ATP2B2: variants seen among roughly 807,000 people sequenced by gnomAD.
ATP2B2 encodes the protein plasma membrane calcium-transporting ATPase 2.
A neutral mutation model predicts 120.0 loss-of-function variants in ATP2B2; 15 were observed. The observed-to-expected ratio is 0.12, with a 90% CI of 0.08 to 0.19. The LOEUF (loss-of-function observed/expected upper bound fraction) is 0.19, where lower values mean the gene tolerates loss of function less well. Among genes scored for constraint, ATP2B2 ranks in the 10% least tolerant of loss-of-function variants. The pLI, the probability that ATP2B2 is intolerant of heterozygous loss-of-function variation, is 1.00. For synonymous variants in ATP2B2, 694 were observed against 700.3 expected (o/e 0.99, Z 0.14); for missense variants, 1,045 against 1,719.8 (o/e 0.61, Z 6.94).
At chr3:10,675,295 A>C (rs577440420) in intron 1 of ATP2B2, among the ~76,000 whole-genome samples, 35 of 152,198 alleles carry the variant, frequency 2.3e-4, no homozygotes, top group Non-Finnish European at 4.9e-4. Flanking sequence ...CAGTCATCTC[A>C]GATTAGTTTT....
intron 3 of ATP2B2, among the ~76,000 whole-genome samples, chr3:10,519,484 C>T (rs776724300): frequency 3.9e-5 from 6 of 152,148 alleles, no homozygotes; most frequent in East Asian, 1.9e-4. Context: ...GGTATGCTGA[C>T]GCATGGCAGC....
At chr3:10,578,040 G>A (rs1013015105) in intron 2 of ATP2B2, among the ~76,000 whole-genome samples, 1 of 152,180 alleles carries the variant, frequency 6.6e-6, no homozygotes, top group Non-Finnish European at 1.5e-5. Flanking sequence ...CAGTAACCCT[G>A]TGATCTAGGC....
chr3:10,506,138 G>A (rs2066618489), upstream of ATP2B2, among the ~76,000 whole-genome samples: 1 of 152,118 alleles, frequency 6.6e-6, no homozygotes. Context: ...GGCAAAGGTC[G>A]CAAATGGGGA....
chr3:10,506,765 GC>G (rs1255310756), upstream of ATP2B2, among the ~76,000 whole-genome samples: 1 of 152,152 alleles, frequency 6.6e-6, no homozygotes, highest in African/African-American at 2.4e-5. Flanking sequence ...GCTGGAGGCG[GC>G]CCCGGGAGGC....
intron 2 of ATP2B2, among the ~76,000 whole-genome samples, chr3:10,581,170 C>A (rs1165221610): frequency 1.3e-5 from 2 of 152,226 alleles, no homozygotes; most frequent in African/African-American, 4.8e-5. Context: ...TTGAATCCAC[C>A]ATGCCATGTC....
At chr3:10,553,645 G>A (rs890875578) in intron 2 of ATP2B2, among the ~76,000 whole-genome samples, 2 of 152,220 alleles carry the variant, frequency 1.3e-5, no homozygotes, top group Non-Finnish European at 1.5e-5. Flanking sequence ...CAGAGCTGGG[G>A]GGGAAACCCA....
At chr3:10,485,973 A>G (rs1389359656) in intron 1 of ATP2B2, among the ~76,000 whole-genome samples, 1 of 152,162 alleles carries the variant, frequency 6.6e-6, no homozygotes, top group Non-Finnish European at 1.5e-5. Flanking sequence ...AGCCAGCGCC[A>G]TTGCGACATG....
At chr3:10,491,224 A>ATT (rs3077070) in intron 1 of ATP2B2, among the ~76,000 whole-genome samples, 1,440 of 119,974 alleles carry the variant, frequency 0.012, 27 homozygotes, top group East Asian at 0.075. Flanking sequence ...CCTTCATTCC[A>ATT]TTTTTTTTTT....
intron 2 of ATP2B2, among the ~76,000 whole-genome samples, chr3:10,548,922 C>T (rs1211812340): frequency 6.6e-6 from 1 of 152,154 alleles, no homozygotes; most frequent in African/African-American, 2.4e-5. Context: ...ATTACATATG[C>T]CAGGAAGATG....
rs1438978641 is a variant in ATP2B2, at chr3:10,325,291, A to C, written c.*3523T>G. 1.3e-5 allele frequency: 2 copies of C among 152,214 alleles called. No individual in the cohort carries two copies. The allele number at this position is 152,214 out of a possible 1,614,324, so 9.4% of individuals were successfully genotyped here. ...ATAGATGTGAGAGAATAACTAGGAA[A>C]TTTTGTAAAAGAAGAGTGAAGGGAC... is the stretch of plus-strand genomic sequence containing the variant. On this transcript the variant is annotated 3_prime_UTR_variant, in exon 23 of 23. Transcript: ENST00000360273.
chr3:10,534,381 T>G (rs375721401), intron 2 of ATP2B2, among the ~76,000 whole-genome samples: 96 of 152,348 alleles, frequency 6.3e-4, no homozygotes, highest in African/African-American at 2.3e-3. Flanking sequence ...GGTCTCTCTG[T>G]CTGATACTGG....
intron 2 of ATP2B2, chr3:10,570,180 G>A (rs1027310872): frequency 2.0e-5 from 3 of 152,174 alleles, no homozygotes; most frequent in Non-Finnish European, 4.4e-5. Flanking sequence ...GGTCAGACTC[G>A]AGTTCCAGCT....
intron 2 of ATP2B2, among the ~76,000 whole-genome samples, chr3:10,552,748 G>C (rs2067696478): frequency 6.6e-6 from 1 of 152,218 alleles, no homozygotes; most frequent in African/African-American, 2.4e-5. Context: ...GCTCAAAAAT[G>C]GGTCAGGAAA....
intron 1 of ATP2B2, among the ~76,000 whole-genome samples, chr3:10,652,759 T>C (rs1041528879): frequency 7.2e-5 from 11 of 152,182 alleles, no homozygotes; most frequent in African/African-American, 2.7e-4. Flanking sequence ...ACACACACAG[T>C]TGAATATTGT....
chr3:10,652,695 T>C (rs1301397512), intron 1 of ATP2B2, among the ~76,000 whole-genome samples: 2 of 152,118 alleles, frequency 1.3e-5, no homozygotes, highest in African/African-American at 4.8e-5. Context: ...AGCCAAAATA[T>C]GGGAACAACG....
At chr3:10,553,176 C>T (rs530012940) in intron 2 of ATP2B2, among the ~76,000 whole-genome samples, 141 of 152,312 alleles carry the variant, frequency 9.3e-4, no homozygotes, top group African/African-American at 3.2e-3. Context: ...ACTAAAATAG[C>T]TTAGTGAAGA....
chr3:10,454,341 C>A (rs1417932492), intron 1 of ATP2B2, among the ~76,000 whole-genome samples: 1 of 152,028 alleles, frequency 6.6e-6, no homozygotes, highest in African/African-American at 2.4e-5. Flanking sequence ...TAAAGAAGGA[C>A]TTAATAAAAA....
At chr3:10,683,760 G>GTGTGTGTATATATATA (rs1446781892) in intron 1 of ATP2B2, among the ~76,000 whole-genome samples, 26 of 53,898 alleles carry the variant, frequency 4.8e-4, no homozygotes, top group South Asian at 9.5e-4. Flanking sequence ...GTGTGTGTGT[G>GTGTGTGTATATATATA]TATATATATA....
chr3:10,560,173 C>G (rs2067871228), intron 2 of ATP2B2, among the ~76,000 whole-genome samples: 1 of 152,206 alleles, frequency 6.6e-6, no homozygotes, highest in Admixed American at 6.5e-5. Context: ...GGCTTCTGAA[C>G]AAACCAGCGA....
Sources: allele counts gnomAD v4.1 joint callset (sites outside exome capture counted in the v4.1 genomes callset), GRCh38; gene constraint gnomAD v4.1.1; transcripts MANE v1.5; gene names NCBI Gene and HGNC (gene_info 2026-07-23, HGNC 2026-07-21).